SYT1: variants seen among roughly 807,000 people sequenced by gnomAD.
SYT1 encodes synaptotagmin 1.
Under a neutral mutation model 44.8 loss-of-function variants are expected in SYT1, and 8 were observed. The ratio of observed to expected loss-of-function variants is 0.18; its 90% confidence interval spans 0.10 to 0.32. SYT1 has a LOEUF of 0.32. Among genes scored for constraint, SYT1 ranks in the 10% least tolerant of loss-of-function variants. The pLI, the probability that SYT1 is intolerant of heterozygous loss-of-function variation, is 1.00. For synonymous variants in SYT1, 154 were observed against 188.8 expected (o/e 0.82, Z 1.51); for missense variants, 286 against 509.3 (o/e 0.56, Z 4.22).
chr12:78,875,470 A>T (rs1463652214), intron 1 of SYT1, among the ~76,000 whole-genome samples: 1 of 151,662 alleles, frequency 6.6e-6, no homozygotes, highest in East Asian at 1.9e-4. Context: ...ACCAAAAGGA[A>T]AAGGAGCCAG....
At chr12:79,130,148 T>A (rs944199398) in intron 3 of SYT1, among the ~76,000 whole-genome samples, 15 of 152,206 alleles carry the variant, frequency 9.9e-5, no homozygotes, top group African/African-American at 3.6e-4. Flanking sequence ...TTTATGCTCA[T>A]CTGGAAAGAA....
chr12:79,064,663 G>C (rs951393189), intron 3 of SYT1, among the ~76,000 whole-genome samples: 1 of 151,948 alleles, frequency 6.6e-6, no homozygotes, highest in African/African-American at 2.4e-5. Context: ...ACCATATTAA[G>C]ATATTCCTGA....
intron 3 of SYT1, among the ~76,000 whole-genome samples, chr12:79,103,496 T>A (rs1878545569): frequency 6.6e-6 from 1 of 152,184 alleles, no homozygotes; most frequent in African/African-American, 2.4e-5. Context: ...AAAGTTTCCT[T>A]ACTAAAAATT....
chr12:79,286,867 A>T (rs888313436), intron 5 of SYT1, among the ~76,000 whole-genome samples: 2 of 147,290 alleles, frequency 1.4e-5, no homozygotes, highest in Non-Finnish European at 3.0e-5. Context: ...TATAGAATTA[A>T]CATTTTCAAT....
At chr12:79,118,944 T>G (rs920219848) in intron 3 of SYT1, among the ~76,000 whole-genome samples, 1 of 152,210 alleles carries the variant, frequency 6.6e-6, no homozygotes, top group Non-Finnish European at 1.5e-5. Context: ...ACTAAACATC[T>G]CTTCCTTGTC....
intron 10 of SYT1, among the ~76,000 whole-genome samples, chr12:79,448,541 G>A (rs1038804551): frequency 6.6e-6 from 1 of 152,144 alleles, no homozygotes; most frequent in Admixed American, 6.6e-5. Flanking sequence ...TGAATTTAGA[G>A]GTTAGCACAA....
intron 1 of SYT1, among the ~76,000 whole-genome samples, chr12:78,890,532 G>A (rs1322442391): frequency 1.3e-5 from 2 of 151,822 alleles, no homozygotes; most frequent in Non-Finnish European, 2.9e-5. Context: ...AGAACTTGAA[G>A]TATAATAAAA....
chr12:78,884,108 C>T (rs1874606301), intron 1 of SYT1, among the ~76,000 whole-genome samples: 1 of 151,512 alleles, frequency 6.6e-6, no homozygotes, highest in South Asian at 2.1e-4. Context: ...TTACCAATCT[C>T]TTATATTCTC....
intron 3 of SYT1, among the ~76,000 whole-genome samples, chr12:79,093,835 T>C (rs1192542592): frequency 6.6e-6 from 1 of 151,790 alleles, no homozygotes; most frequent in African/African-American, 2.4e-5. Context: ...TAATTACATA[T>C]ATTAATTAGA....
intron 3 of SYT1, among the ~76,000 whole-genome samples, chr12:79,112,597 A>T (rs967120908): frequency 6.6e-6 from 1 of 152,132 alleles, no homozygotes; most frequent in African/African-American, 2.4e-5. Flanking sequence ...AAGTTTTCAA[A>T]GATAAAAATG....
chr12:79,447,503 A>AT (rs1565962160), intron 10 of SYT1, among the ~76,000 whole-genome samples: 2 of 152,178 alleles, frequency 1.3e-5, no homozygotes, highest in Non-Finnish European at 2.9e-5. Context: ...TCACAAGGAT[A>AT]TTTTGTCTTG....
chr12:79,413,499 T>C (rs7315638), intron 9 of SYT1, among the ~76,000 whole-genome samples: 21,008 of 152,214 alleles, frequency 0.14, 1,871 homozygotes, highest in Middle Eastern at 0.34. Context: ...TGTTGTGTCA[T>C]GTTTCACTAC....
intron 1 of SYT1, among the ~76,000 whole-genome samples, chr12:78,880,526 C>T (rs554092225): frequency 1.3e-5 from 2 of 151,528 alleles, no homozygotes; most frequent in African/African-American, 2.4e-5. Context: ...ATATTTTTTA[C>T]TTCCTGATCT....
At chr12:79,221,795 C>A (rs2138579714) in intron 4 of SYT1, among the ~76,000 whole-genome samples, 1 of 152,014 alleles carries the variant, frequency 6.6e-6, no homozygotes, top group Middle Eastern at 3.4e-3. Context: ...AATTGTTTTG[C>A]CTTTTAGCCT....
At chr12:79,026,657 CATATATATTTTATATAT>C (rs1872542208) in intron 2 of SYT1, among the ~76,000 whole-genome samples, 1 of 89,076 alleles carries the variant, frequency 1.1e-5, no homozygotes, top group Non-Finnish European at 2.2e-5. Context: ...TGTGTATATA[CATATATATTTTATATAT>C]ATATATATAT....
chr12:78,950,417 TAC>T lies in SYT1; in HGVS notation c.-216-27378_-216-27377del, dbSNP rs913734361. On this transcript the variant is annotated intron_variant, in intron 1 of 10. Transcript: ENST00000261205. ...ACACTTCTAGTGGAATTTACATTTTTACACAGTTTCTAATAAGCCTCTGTGAT... is the reference window on the plus strand; with the variant it reads ...ACACTTCTAGTGGAATTTACATTTTTACAGTTTCTAATAAGCCTCTGTGAT... Among the ~76,000 whole-genome samples the T allele has an allele frequency of 1.3e-3, 202 of 152,222 alleles. 2 individuals carry two copies. The highest frequency in any genetic ancestry group is 4.6e-3 in the African/African-American group (193 of 41,578).
At chr12:79,399,590 T>C (rs978827476) in intron 9 of SYT1, among the ~76,000 whole-genome samples, 3 of 152,254 alleles carry the variant, frequency 2.0e-5, no homozygotes, top group African/African-American at 7.2e-5. Flanking sequence ...TTGTCAAGTA[T>C]ACTCATTTGA....
chr12:79,356,975 G>T (rs1211569858), intron 9 of SYT1, among the ~76,000 whole-genome samples: 2 of 152,176 alleles, frequency 1.3e-5, no homozygotes, highest in Non-Finnish European at 2.9e-5. Flanking sequence ...TTATCTTATT[G>T]TTTGATGGAA....
At chr12:79,007,157 G>A (rs904811822) in intron 2 of SYT1, among the ~76,000 whole-genome samples, 5 of 152,152 alleles carry the variant, frequency 3.3e-5, no homozygotes, top group Admixed American at 3.3e-4. Context: ...TAGAGGAGAA[G>A]CAAATCTCCC....
Sources: gnomAD v4.1 joint callset for allele counts (sites outside exome capture counted in the v4.1 genomes callset) on GRCh38, gnomAD v4.1.1 for gene constraint, MANE v1.5 for transcripts, NCBI Gene and HGNC (gene_info 2026-07-23, HGNC 2026-07-21) for gene names.